CEP70: variants seen among roughly 807,000 people sequenced by gnomAD.
CEP70 encodes the protein centrosomal protein of 70 kDa.
CEP70 carries 70 observed loss-of-function variants against 90.9 expected under a neutral mutation model. That is an observed-to-expected ratio of 0.77 (90% CI 0.64 to 0.94). The LOEUF (loss-of-function observed/expected upper bound fraction) is 0.94. Ranked by LOEUF, CEP70 falls within the 40% of genes least tolerant of loss-of-function variation. The probability of loss-of-function intolerance (pLI) is 0.00; values close to 1 mark genes in which losing one functional copy is unlikely to be tolerated. For synonymous variants in CEP70, 220 were observed against 228.3 expected, an observed-to-expected ratio of 0.96 and a Z score of 0.33; for missense variants, 648 against 669.0, an observed-to-expected ratio of 0.97 and a Z score of 0.35.
Position 138,494,999 on chromosome 3 carries a change from ATGATT to A in CEP70, c.*11_*15del, listed in dbSNP as rs4035332. On this transcript the variant is annotated 3_prime_UTR_variant, in exon 18 of 18. Coordinates refer to ENST00000264982, the MANE Select transcript of CEP70 (RefSeq NM_024491.4). Reference sequence around the variant, plus strand: ...TAAGAATACAATTTACACAGTAAAAATGATTTGATTTGTTTTCAGTATGAAAGTAC... The same window carrying A: ...TAAGAATACAATTTACACAGTAAAAATGATTTGTTTTCAGTATGAAAGTAC... 1.4e-5 allele frequency: 18 copies of A among 1,311,514 alleles called. No individual in the cohort carries two copies. Among genetic ancestry groups the A allele is most frequent in the Non-Finnish European group, 1.8e-5 (17 of 920,390 alleles). 81.2% of individuals were successfully genotyped at this position (1,311,514 alleles called of 1,614,324 possible). A position where few individuals can be genotyped will look rare whatever the true frequency, so the allele number is the denominator to read the frequency against.
At chr3:138,522,294 T>TAAA (rs71626068) in intron 11 of CEP70, among the ~76,000 whole-genome samples, 1 of 105,724 alleles carries the variant, frequency 9.5e-6, no homozygotes, top group African/African-American at 3.3e-5. Flanking sequence ...CTAAAAAAAT[T>TAAA]AAAAAAAAAA....
Position 138,526,396 on chromosome 3 carries a change from C to T in CEP70, c.870-832G>A, listed in dbSNP as rs2037255349. On this transcript the variant is annotated intron_variant, in intron 10 of 17. Coordinates refer to ENST00000264982, the MANE Select transcript of CEP70 (RefSeq NM_024491.4). ...CCAGGCTGGTTCTCAAACTCTTGAC[C>T]TCAGGAGGCCTGCTTCGGCCTCCTA... Among the ~76,000 whole-genome samples the T allele has an allele frequency of 2.0e-5, 3 of 152,164 alleles. No individual in the cohort carries two copies. In the South Asian group the frequency reaches 6.2e-4, roughly 32 times the overall value.
chr3:138,537,413 T>C lies in CEP70; in HGVS notation c.466-66A>G, dbSNP rs1181322752. 1.1e-5 allele frequency: 12 copies of C among 1,076,888 alleles called. No homozygotes were observed. In the Admixed American group the frequency reaches 3.7e-4, roughly 33 times the overall value. The allele number at this position is 1,076,888 out of a possible 1,614,324, so 66.7% of individuals were successfully genotyped here. ...TCTAGGACATGCTATCCTAACAGTA[T>C]TGTACACAAAGGCATCTTCATAGTT... On this transcript the variant is annotated intron_variant, in intron 6 of 17. Transcript: ENST00000264982.
chr3:138,537,201 A>T lies in CEP70; in HGVS notation c.612T>A (p.Val204=). 1 of 1,575,624 alleles carries T rather than the reference A, an allele frequency of 6.3e-7. No individual in the cohort carries two copies. ...NRVFAYLCKR[V]PHTVLDRQLL... ...ACTGTCTATCCAAGACGGTATGAGG[A>T]ACTCTTTTGCACAGATAGGCAAACA... Residue 204 remains valine, a synonymous_variant, in exon 7 of 18, where the codon GTT becomes GTA. Coordinates refer to ENST00000264982, the MANE Select transcript of CEP70 (RefSeq NM_024491.4).
chr3:138,527,866 A>G (rs116231059), intron 10 of CEP70, among the ~76,000 whole-genome samples: 18 of 152,090 alleles, frequency 1.2e-4, no homozygotes, highest in African/African-American at 3.9e-4. Context: ...CAAGGCGATT[A>G]TCTTGACTGT....
intron 1 of CEP70, 84 bp downstream of exon 1, chr3:138,594,114 T>C (rs1432399357): frequency 6.6e-6 from 1 of 152,286 alleles, no homozygotes; most frequent in Non-Finnish European, 1.5e-5. Flanking sequence ...GTCTGACCAC[T>C]TTTAGGCCCA....
chr3:138,517,494 G>A (rs1413284073), intron 11 of CEP70, among the ~76,000 whole-genome samples: 6 of 152,162 alleles, frequency 3.9e-5, no homozygotes, highest in South Asian at 4.1e-4. Context: ...GTGAAACCCC[G>A]TCTCTACTAA....
chr3:138,500,954 A>G, intron 13 of CEP70, 73 bp from the exon 14 acceptor site: 1 of 615,324 alleles, frequency 1.6e-6, no homozygotes, highest in Non-Finnish European at 2.4e-6. Context: ...GAACATAATT[A>G]GTAAAATTAT....
intron 6 of CEP70, among the ~76,000 whole-genome samples, chr3:138,560,149 C>G (rs2040295550): frequency 6.6e-6 from 1 of 152,154 alleles, no homozygotes; most frequent in Non-Finnish European, 1.5e-5. Context: ...TCTGCGTTTC[C>G]AACTGAGGTA....
intron 11 of CEP70, among the ~76,000 whole-genome samples, chr3:138,515,513 G>T (rs2108755731): frequency 7.5e-6 from 1 of 134,206 alleles, no homozygotes; most frequent in South Asian, 2.4e-4. Flanking sequence ...ATGGACAAAA[G>T]GACATTTGTT....
intron 2 of CEP70, among the ~76,000 whole-genome samples, chr3:138,582,108 T>A (rs145415826): frequency 2.1e-4 from 32 of 151,934 alleles, no homozygotes; most frequent in African/African-American, 7.7e-4. Flanking sequence ...CTAAAGGGAG[T>A]TTTTTTAATC....
chr3:138,507,112 AC>A (rs1421506740), intron 12 of CEP70, among the ~76,000 whole-genome samples: 1 of 152,164 alleles, frequency 6.6e-6, no homozygotes, highest in African/African-American at 2.4e-5. Flanking sequence ...CCAGTTATAT[AC>A]TGGTACAAGA....
In CEP70 at chr3:138,524,561, T is replaced by C. The variant is rs562828159; in HGVS notation, c.944+929A>G. On this transcript the variant is annotated intron_variant, in intron 11 of 17. Transcript: ENST00000264982. ...AATCTACAATGAACTCAAACAAATT[T>C]ACAAGAAAAAAACCAAACAACCCCA... Among the ~76,000 whole-genome samples, 1,172 of 152,032 alleles carry C rather than the reference T, an allele frequency of 7.7e-3. 7 individuals are homozygous for C. The highest frequency in any genetic ancestry group is 0.012 in the Non-Finnish European group (798 of 67,974).
chr3:138,583,495 G>A (rs2041965846), intron 2 of CEP70, among the ~76,000 whole-genome samples: 2 of 152,126 alleles, frequency 1.3e-5, no homozygotes, highest in Admixed American at 1.3e-4. Flanking sequence ...AATGGCTGAA[G>A]AATACACATT....
chr3:138,532,702 G>C, intron 7 of CEP70, 132 bp from the exon 8 acceptor site: 1 of 793,716 alleles, frequency 1.3e-6, no homozygotes, highest in Non-Finnish European at 1.8e-6. Flanking sequence ...AAAAATTTAA[G>C]TGATTCTTAC....
At chr3:138,559,730 CA>C (rs1184486681) in intron 6 of CEP70, among the ~76,000 whole-genome samples, 1 of 151,904 alleles carries the variant, frequency 6.6e-6, no homozygotes, top group Non-Finnish European at 1.5e-5. Flanking sequence ...ATACCAAAAA[CA>C]AAAAACAAAC....
intron 6 of CEP70, among the ~76,000 whole-genome samples, chr3:138,543,048 A>G (rs1260989358): frequency 6.6e-6 from 1 of 152,170 alleles, no homozygotes; most frequent in African/African-American, 2.4e-5. Flanking sequence ...AGCATCATCC[A>G]ATTGGCCAAA....
chr3:138,555,718 C>T (rs1366553338), intron 6 of CEP70, among the ~76,000 whole-genome samples: 1 of 152,126 alleles, frequency 6.6e-6, no homozygotes, highest in Admixed American at 6.5e-5. Flanking sequence ...AATGTGATAC[C>T]ACCTCACTCC....
intron 13 of CEP70, among the ~76,000 whole-genome samples, chr3:138,503,941 T>C (rs1287545602): frequency 6.6e-6 from 1 of 152,248 alleles, no homozygotes; most frequent in Non-Finnish European, 1.5e-5. Context: ...CTAATTAGTC[T>C]GAATCTTGTG....
Sources: gnomAD v4.1 joint callset for allele counts (sites outside exome capture counted in the v4.1 genomes callset) on GRCh38, gnomAD v4.1.1 for gene constraint, MANE v1.5 for transcripts, NCBI Gene and HGNC (gene_info 2026-07-23, HGNC 2026-07-21) for gene names.